XRCC4: variants seen among roughly 807,000 people sequenced by gnomAD.
XRCC4 encodes DNA repair protein XRCC4.
Under a neutral mutation model 39.1 loss-of-function variants are expected in XRCC4, and 28 were observed. That is an observed-to-expected ratio of 0.72 (90% CI 0.53 to 0.98). The LOEUF is 0.98. Among genes scored for constraint, XRCC4 ranks in the 50% least tolerant of loss-of-function variants. XRCC4 has a pLI of 0.00. For missense variants in XRCC4, 350 were observed against 376.4 expected (o/e 0.93, Z 0.58); for synonymous variants, 123 against 126.4 (o/e 0.97, Z 0.18).
At chr5:83,313,889 C>T (rs777251800) in intron 7 of XRCC4, among the ~76,000 whole-genome samples, 8 of 151,586 alleles carry the variant, frequency 5.3e-5, no homozygotes, top group South Asian at 2.1e-4. Context: ...TGATTGTACT[C>T]GTCTCTTTTC....
At chr5:83,099,324 A>G (rs1231484759) in intron 1 of XRCC4, among the ~76,000 whole-genome samples, 2 of 152,220 alleles carry the variant, frequency 1.3e-5, no homozygotes, top group African/African-American at 4.8e-5. Flanking sequence ...TTTACTATAA[A>G]GGAAAATAAA....
At chr5:83,148,661 A>G (rs114445972) in intron 3 of XRCC4, among the ~76,000 whole-genome samples, 498 of 152,270 alleles carry the variant, frequency 3.3e-3, no homozygotes, top group African/African-American at 0.011. Context: ...ATCCTCGTTT[A>G]TATAACTTTA....
intron 6 of XRCC4, among the ~76,000 whole-genome samples, chr5:83,256,934 A>G (rs998816883): frequency 6.6e-6 from 1 of 152,166 alleles, no homozygotes; most frequent in Admixed American, 6.6e-5. Context: ...TAAGTACTTT[A>G]TGAAGTAATT....
At chr5:83,295,393 G>A (rs767685029) in intron 7 of XRCC4, among the ~76,000 whole-genome samples, 11 of 152,012 alleles carry the variant, frequency 7.2e-5, no homozygotes, top group Non-Finnish European at 1.0e-4. Flanking sequence ...CACCCACGTC[G>A]TCATCATAGA....
intron 3 of XRCC4, among the ~76,000 whole-genome samples, chr5:83,180,416 G>A (rs1454445421): frequency 6.6e-6 from 1 of 152,124 alleles, no homozygotes; most frequent in Non-Finnish European, 1.5e-5. Flanking sequence ...GCTGAGCTAG[G>A]ACTATGCTCA....
chr5:83,182,051 C>A (rs2112654345), intron 3 of XRCC4, among the ~76,000 whole-genome samples: 1 of 152,266 alleles, frequency 6.6e-6, no homozygotes, highest in South Asian at 2.1e-4. Context: ...TTTCCCCAAA[C>A]AGGAAGAAAA....
intron 7 of XRCC4, among the ~76,000 whole-genome samples, chr5:83,282,406 C>G (rs1040262472): frequency 6.6e-6 from 1 of 152,034 alleles, no homozygotes; most frequent in African/African-American, 2.4e-5. Context: ...GTATAGGATT[C>G]CATAGGAGTG....
At position 83,135,731 on chromosome 5, in the gene XRCC4, T is replaced by C. The variant is rs562687843; in HGVS notation, c.315+24528T>C. On this transcript the variant is annotated intron_variant, in intron 3 of 7. Coordinates refer to ENST00000396027, the MANE Select transcript of XRCC4 (RefSeq NM_003401.5). The stretch of plus-strand genomic sequence containing the variant: ...TGTCTAATGTGTTGTTTTTTTCATC[T>C]CAGGCATGGTGATTTTTATCTTTCT... 3.3e-5 allele frequency among the ~76,000 whole-genome samples: 5 copies of C among 152,260 alleles called. No individual in the cohort carries two copies. The East Asian group carries it at 9.7e-4, about 29-fold the overall frequency.
intron 7 of XRCC4, among the ~76,000 whole-genome samples, chr5:83,304,521 G>A (rs890985604): frequency 6.6e-6 from 1 of 152,174 alleles, no homozygotes; most frequent in African/African-American, 2.4e-5. Context: ...TACTACAAAT[G>A]TCTTTTGACA....
At chr5:83,187,464 A>G (rs1208557609) in intron 3 of XRCC4, among the ~76,000 whole-genome samples, 4 of 152,222 alleles carry the variant, frequency 2.6e-5, no homozygotes, top group African/African-American at 4.8e-5. Context: ...CCAAGTTTCA[A>G]GAATTAGCTT....
At chr5:83,215,578 T>C (rs1176036335) in intron 6 of XRCC4, among the ~76,000 whole-genome samples, 3 of 152,154 alleles carry the variant, frequency 2.0e-5, no homozygotes, top group African/African-American at 2.4e-5. Flanking sequence ...ACCAAGATGA[T>C]GTAATATTAT....
intron 3 of XRCC4, among the ~76,000 whole-genome samples, chr5:83,134,011 G>T (rs1297992301): frequency 1.3e-5 from 2 of 152,212 alleles, no homozygotes; most frequent in Non-Finnish European, 2.9e-5. Flanking sequence ...TGGGTTCCAG[G>T]TGAGCACGGG....
At chr5:83,187,491 G>T (rs1478019289) in intron 3 of XRCC4, among the ~76,000 whole-genome samples, 1 of 152,094 alleles carries the variant, frequency 6.6e-6, no homozygotes, top group African/African-American at 2.4e-5. Context: ...ATCTTTGGGG[G>T]AACATCATTC....
intron 3 of XRCC4, among the ~76,000 whole-genome samples, chr5:83,160,631 C>T (rs75777480): frequency 0.016 from 2,411 of 152,194 alleles, 39 homozygotes; most frequent in East Asian, 0.072. Context: ...ATTCTTACTT[C>T]GGAAAATATT....
chr5:83,131,406 G>T (rs1368928080), intron 3 of XRCC4, among the ~76,000 whole-genome samples: 1 of 152,136 alleles, frequency 6.6e-6, no homozygotes, highest in African/African-American at 2.4e-5. Flanking sequence ...GCTTGGTGCA[G>T]AGCTGAGTTC....
chr5:83,309,019 C>T (rs1241780830), intron 7 of XRCC4, among the ~76,000 whole-genome samples: 1 of 151,658 alleles, frequency 6.6e-6, no homozygotes, highest in Non-Finnish European at 1.5e-5. Context: ...GTGGCTCACG[C>T]CTGTAATCCC....
intron 7 of XRCC4, among the ~76,000 whole-genome samples, chr5:83,320,379 T>C (rs7729668): frequency 1.5e-5 from 2 of 135,308 alleles, no homozygotes; most frequent in Non-Finnish European, 3.1e-5. Context: ...AATAAAAAAA[T>C]AATAAAAAAA....
chr5:83,147,238 A>G (rs562822580), intron 3 of XRCC4, among the ~76,000 whole-genome samples: 8 of 152,344 alleles, frequency 5.3e-5, no homozygotes. Context: ...AGCCTGGGCA[A>G]CATAGCGAGG....
chr5:83,111,342 T>C (rs553126130), intron 3 of XRCC4, 139 bp downstream of exon 3: 2 of 549,864 alleles, frequency 3.6e-6, no homozygotes, highest in South Asian at 9.2e-5. Context: ...GGTTTCCAAA[T>C]TAGAAGAATA....
Sources: allele counts gnomAD v4.1 joint callset (sites outside exome capture counted in the v4.1 genomes callset), GRCh38; gene constraint gnomAD v4.1.1; transcripts MANE v1.5; gene names NCBI Gene and HGNC (gene_info 2026-07-23, HGNC 2026-07-21).